ATP8B1: variants seen among roughly 807,000 people sequenced by gnomAD.
ATP8B1 encodes the protein ATPase phospholipid transporting 8B1.
Under a neutral mutation model 149.9 loss-of-function variants are expected in ATP8B1, and 80 were observed. The observed-to-expected ratio is 0.53, with a 90% confidence interval of 0.45 to 0.64. ATP8B1 has a LOEUF of 0.64. Ranked by LOEUF, ATP8B1 falls within the 30% of genes least tolerant of loss-of-function variation. The probability of loss-of-function intolerance (pLI) is 0.00; values close to 1 mark genes in which losing one functional copy is unlikely to be tolerated. For synonymous variants in ATP8B1, 536 were observed against 562.8 expected (o/e 0.95, Z 0.67); for missense variants, 1,247 against 1,552.6 (o/e 0.80, Z 3.31).
At position 57,648,457 on chromosome 18, in the gene ATP8B1, T is replaced by C. The variant is rs1349087865; in HGVS notation, c.*31A>G. ...CTTTCATAAAAAAATAGACGTGCTT[T>C]GTGGCCGCATCCCAGCCTGGGGGTA... On this transcript the variant is annotated 3_prime_UTR_variant, in exon 28 of 28. Transcript: ENST00000648908. The C allele has an allele frequency of 6.2e-7, 1 of 1,608,668 alleles. No homozygotes were observed. The highest frequency in any genetic ancestry group is 2.2e-5 in the East Asian group (1 of 44,884).
intron 2 of ATP8B1, among the ~76,000 whole-genome samples, chr18:57,710,304 G>T (rs780852700): frequency 6.6e-6 from 1 of 152,220 alleles, no homozygotes; most frequent in Non-Finnish European, 1.5e-5. Context: ...TTTAACAGCT[G>T]CCATGTGACA....
chr18:57,649,730 G>A (rs1229623643), intron 27 of ATP8B1, among the ~76,000 whole-genome samples: 1 of 152,088 alleles, frequency 6.6e-6, no homozygotes, highest in Non-Finnish European at 1.5e-5. Flanking sequence ...GGGCCCTTGG[G>A]TGAGAAGTTC....
In ATP8B1 at chr18:57,661,199, C is replaced by T; in HGVS notation, c.2682G>A (p.Gly894=). 1 of 1,613,960 alleles carries T rather than the reference C, an allele frequency of 6.2e-7. No homozygotes were observed. Among genetic ancestry groups the T allele is most frequent in the Non-Finnish European group, 8.5e-7 (1 of 1,180,024 alleles). ...KKAITLAIGD[G]ANDVNMIKTA... ...TTTTGATCATGTTCACGTCATTGGC[C>T]CCATCTCCGATGGCCAGCGTGATGG... is the stretch of plus-strand genomic sequence containing the variant. Residue 894 remains glycine, a synonymous_variant, in exon 22 of 28, where the codon GGG becomes GGA. Coordinates refer to ENST00000648908, the MANE Select transcript of ATP8B1 (RefSeq NM_001374385.1).
chr18:57,694,180 A>C (rs1180391138), intron 11 of ATP8B1, among the ~76,000 whole-genome samples: 2 of 152,102 alleles, frequency 1.3e-5, no homozygotes. Flanking sequence ...TATACAGTAT[A>C]TGTTGGGGGT....
chr18:57,651,998 TCTGTA>T, intron 26 of ATP8B1, 31 bp downstream of exon 26: 1 of 1,594,082 alleles, frequency 6.3e-7, no homozygotes, highest in Non-Finnish European at 8.6e-7. Context: ...ATGACATTTG[TCTGTA>T]CATTTATTTT....
chr18:57,707,469 T>A (rs757110017), intron 2 of ATP8B1, among the ~76,000 whole-genome samples: 1 of 152,016 alleles, frequency 6.6e-6, no homozygotes, highest in Non-Finnish European at 1.5e-5. Flanking sequence ...TAACAATGAG[T>A]GTGGCACAAC....
At chr18:57,769,937 G>T (rs1418548624) in intron 1 of ATP8B1, among the ~76,000 whole-genome samples, 2 of 152,106 alleles carry the variant, frequency 1.3e-5, no homozygotes, top group African/African-American at 4.8e-5. Flanking sequence ...TATTCCCCTT[G>T]TATAAATGAA....
intron 1 of ATP8B1, among the ~76,000 whole-genome samples, chr18:57,734,845 T>A (rs551723045): frequency 7.9e-5 from 12 of 152,286 alleles, no homozygotes; most frequent in African/African-American, 2.9e-4. Context: ...TAGCTGGATT[T>A]CCTAGGCCGA....
At chr18:57,782,326 A>G (rs1172140705) in intron 1 of ATP8B1, among the ~76,000 whole-genome samples, 1 of 152,384 alleles carries the variant, frequency 6.6e-6, no homozygotes, top group Non-Finnish European at 1.5e-5. Flanking sequence ...GCAGACGCCA[A>G]TCCAGCATCC....
intron 2 of ATP8B1, among the ~76,000 whole-genome samples, chr18:57,730,171 A>G (rs1044767492): frequency 2.0e-5 from 3 of 151,860 alleles, no homozygotes; most frequent in African/African-American, 7.3e-5. Flanking sequence ...CACATCTTCT[A>G]CAGGTTAAAA....
chr18:57,672,886 GTATATATATATATATATATATA>G (rs1198919117), intron 16 of ATP8B1, among the ~76,000 whole-genome samples: 166 of 14,062 alleles, frequency 0.012, 8 homozygotes, highest in African/African-American at 0.037. Context: ...AAAAAAAAAA[GTATATATATATATATATATATA>G]TATATATATA....
intron 1 of ATP8B1, among the ~76,000 whole-genome samples, chr18:57,742,567 C>G (rs1411072301): frequency 2.0e-5 from 3 of 152,150 alleles, no homozygotes; most frequent in Non-Finnish European, 2.9e-5. Flanking sequence ...TGTGGTGGCT[C>G]ACACCTGTAA....
rs773365045 is a variant in ATP8B1 at position 57,654,046 on chromosome 18, G to C, written c.2961C>G (p.Leu987=). ...GCAGGCTGGTGTACAGCACGTTGTA[G>C]AGGGTGATGAACCAATCCTCGTATG... ...QTAYEDWFIT[L]YNVLYTSLPV... The change falls in exon 24 of 28, where the codon CTC becomes CTG. Residue 987 remains leucine (L), a synonymous_variant. Transcript: ENST00000648908. 1.2e-5 allele frequency: 19 copies of C among 1,613,964 alleles called. No homozygotes were observed. Among genetic ancestry groups the C allele is most frequent in the Admixed American group, 6.7e-5 (4 of 59,984 alleles).
At chr18:57,765,910 T>C (rs1236869002) in intron 1 of ATP8B1, among the ~76,000 whole-genome samples, 1 of 151,054 alleles carries the variant, frequency 6.6e-6, no homozygotes, top group South Asian at 2.1e-4. Context: ...AGGCAGAGGT[T>C]GCAGTGAGCT....
chr18:57,776,278 T>C (rs1042765504), intron 1 of ATP8B1, among the ~76,000 whole-genome samples: 1 of 152,252 alleles, frequency 6.6e-6, no homozygotes, highest in Non-Finnish European at 1.5e-5. Context: ...TTGCCTCCAC[T>C]GTGTCTTGTT....
Position 57,652,032 on chromosome 18 carries a change from A to G in ATP8B1, c.3400+2T>C, listed in dbSNP as rs950229238. The stretch of plus-strand genomic sequence containing the variant: ...TTATTTTTGGAATTTGGAAATACCA[A>G]CCTGTAAATTGAAATGCAGATGGAA... On this transcript the variant is annotated splice_donor_variant, in intron 26 of 27. Transcript: ENST00000648908. LOFTEE classifies it high-confidence loss of function. The G allele has an allele frequency of 2.5e-6, 4 of 1,613,060 alleles. No homozygotes were observed. Among genetic ancestry groups the G allele is most frequent in the Non-Finnish European group, 3.4e-6 (4 of 1,179,738 alleles).
At chr18:57,685,205 TA>T in intron 13 of ATP8B1, 90 bp from the exon 14 acceptor site, 1 of 1,357,856 alleles carries the variant, frequency 7.4e-7, no homozygotes, top group Non-Finnish European at 1.1e-6. Context: ...GTGATGGTGG[TA>T]AGACCATATA....
In ATP8B1 at chr18:57,670,531, T is replaced by G. The variant is rs1022433199; in HGVS notation, c.1932+937A>C. Among the ~76,000 whole-genome samples, 5 of 152,026 alleles carry G rather than the reference T, an allele frequency of 3.3e-5. No homozygotes were observed. The East Asian group carries it at 5.8e-4, about 18-fold the overall frequency. ...TGCATCTGGCTAATCTTTGTATTTT[T>G]GGTAGAGACGGGGTTTCACCATGTT... On this transcript the variant is annotated intron_variant, in intron 17 of 27. Transcript: ENST00000648908.
chr18:57,794,166 GT>G (rs2080488842), intron 1 of ATP8B1, among the ~76,000 whole-genome samples: 1 of 151,958 alleles, frequency 6.6e-6, no homozygotes. Context: ...GTTTTGTTTT[GT>G]TTTACTTTAA....
Sources: allele counts gnomAD v4.1 joint callset (sites outside exome capture counted in the v4.1 genomes callset), GRCh38; gene constraint gnomAD v4.1.1; transcripts MANE v1.5; gene names NCBI Gene and HGNC (gene_info 2026-07-23, HGNC 2026-07-21).